ITGA1: variants seen among roughly 807,000 people sequenced by gnomAD.
ITGA1 encodes the protein integrin subunit alpha 1.
Under a neutral mutation model 145.9 loss-of-function variants are expected in ITGA1, and 85 were observed. The ratio of observed to expected loss-of-function variants is 0.58; its 90% CI spans 0.49 to 0.70. ITGA1 has a LOEUF of 0.70. Among genes scored for constraint, ITGA1 ranks in the 30% least tolerant of loss-of-function variants. The pLI is 0.00. For missense variants in ITGA1, 1,351 were observed against 1,418.7 expected (o/e 0.95, Z 0.77); for synonymous variants, 520 against 495.3 (o/e 1.05, Z -0.66).
At chr5:52,935,008 C>G (rs1427789030) in intron 23 of ITGA1, among the ~76,000 whole-genome samples, 1 of 151,782 alleles carries the variant, frequency 6.6e-6, no homozygotes, top group Non-Finnish European at 1.5e-5. Context: ...TTCACTTTCC[C>G]TGAACTAGAA....
At chr5:52,933,861 A>G (rs367941783) in intron 22 of ITGA1, 33 bp from the exon 23 acceptor site, 456 of 1,075,170 alleles carry the variant, frequency 4.2e-4, no homozygotes, top group Non-Finnish European at 5.7e-4. Flanking sequence ...AAACTTTGTT[A>G]TGTTTTATTT....
At chr5:52,833,898 A>T (rs565247966) in intron 1 of ITGA1, among the ~76,000 whole-genome samples, 26 of 152,340 alleles carry the variant, frequency 1.7e-4, no homozygotes, top group African/African-American at 6.0e-4. Flanking sequence ...GTAGTATAGA[A>T]TTGCAAACTT....
intron 1 of ITGA1, among the ~76,000 whole-genome samples, chr5:52,817,604 G>C (rs1748797405): frequency 6.6e-6 from 1 of 152,118 alleles, no homozygotes; most frequent in Non-Finnish European, 1.5e-5. Context: ...GGAAAGGCTA[G>C]AAGTCTGCAA....
chr5:52,901,042 A>G (rs1750306378), intron 11 of ITGA1, among the ~76,000 whole-genome samples: 1 of 152,292 alleles, frequency 6.6e-6, no homozygotes, highest in South Asian at 2.1e-4. Context: ...GACTTTTCAG[A>G]TATGATGAAA....
chr5:52,837,331 C>T (rs1025419838), intron 1 of ITGA1, among the ~76,000 whole-genome samples: 2 of 152,168 alleles, frequency 1.3e-5, no homozygotes, highest in Admixed American at 1.3e-4. Flanking sequence ...CACACAGTGT[C>T]TCCTTCCAGA....
At chr5:52,887,604 A>G (rs1189437102) in intron 7 of ITGA1, among the ~76,000 whole-genome samples, 1 of 152,208 alleles carries the variant, frequency 6.6e-6, no homozygotes, top group Non-Finnish European at 1.5e-5. Flanking sequence ...GGTGATTAGC[A>G]AAACGGAGAC....
chr5:52,898,200 T>G (rs1457903795), intron 10 of ITGA1, 39 bp from the exon 11 acceptor site: 1 of 1,329,986 alleles, frequency 7.5e-7, no homozygotes, highest in Non-Finnish European at 1.0e-6. Flanking sequence ...CCCTTATTAT[T>G]TTTATTAAAT....
At chr5:52,865,260 T>C (rs1749669169) in intron 5 of ITGA1, among the ~76,000 whole-genome samples, 178 bp downstream of exon 5, 2 of 152,248 alleles carry the variant, frequency 1.3e-5, no homozygotes. Context: ...ATTTTTGGAA[T>C]TGATATTAGT....
Position 52,910,428 on chromosome 5 carries a change from T to G in ITGA1, c.1857+9T>G. 1 of 1,607,254 alleles carries G rather than the reference T, an allele frequency of 6.2e-7. No homozygotes were observed. The highest frequency in any genetic ancestry group is 8.5e-7 in the Non-Finnish European group (1 of 1,174,424). On this transcript the variant is annotated intron_variant, in intron 14 of 28. Transcript: ENST00000282588. ...GGAAAGAGTATGCACAAGTAAGAATTGAAACCTACAGATTCCCACCCTTCA... is the reference window on the plus strand; with the variant it reads ...GGAAAGAGTATGCACAAGTAAGAATGGAAACCTACAGATTCCCACCCTTCA...
intron 1 of ITGA1, chr5:52,800,921 C>G (rs1748465032): frequency 1.2e-6 from 2 of 1,613,968 alleles, no homozygotes; most frequent in African/African-American, 1.3e-5. Flanking sequence ...GGCAATTGCT[C>G]TCAGCATGAC....
chr5:52,905,703 A>C, intron 11 of ITGA1, 60 bp from the exon 12 acceptor site: 2 of 1,407,630 alleles, frequency 1.4e-6, no homozygotes, highest in South Asian at 2.8e-5. Flanking sequence ...AAGAGTCTTA[A>C]TTTATTACAT....
intron 1 of ITGA1, 146 bp downstream of exon 1, chr5:52,788,560 G>T: frequency 1.7e-6 from 1 of 598,638 alleles, no homozygotes; most frequent in Admixed American, 4.2e-5. Flanking sequence ...GCCAGGCTAC[G>T]GGGCAGGCAG....
chr5:52,883,933 T>C (rs1750005308), intron 7 of ITGA1, among the ~76,000 whole-genome samples: 1 of 152,120 alleles, frequency 6.6e-6, no homozygotes, highest in Non-Finnish European at 1.5e-5. Flanking sequence ...TTTAGAACAG[T>C]CACATTTTAT....
chr5:52,817,672 A>C (rs552079744), intron 1 of ITGA1, among the ~76,000 whole-genome samples: 3 of 152,332 alleles, frequency 2.0e-5, no homozygotes, highest in African/African-American at 7.2e-5. Context: ...TCAGAATAAC[A>C]TTTATTTCAT....
chr5:52,867,860 T>C (rs966789301), intron 6 of ITGA1, among the ~76,000 whole-genome samples: 1 of 151,990 alleles, frequency 6.6e-6, no homozygotes, highest in Non-Finnish European at 1.5e-5. Context: ...TTTTTTTCTT[T>C]CTGAGGGCTC....
intron 1 of ITGA1, chr5:52,801,738 TG>T: frequency 3.7e-6 from 6 of 1,614,148 alleles, no homozygotes; most frequent in Non-Finnish European, 5.1e-6. Context: ...TTCACGTTTC[TG>T]GGGAACAGCT....
At chr5:52,815,929 A>T (rs2111694219) in intron 1 of ITGA1, among the ~76,000 whole-genome samples, 1 of 152,328 alleles carries the variant, frequency 6.6e-6, no homozygotes, top group South Asian at 2.1e-4. Context: ...GTATAACTAA[A>T]CAAAAACTAA....
chr5:52,809,918 G>T (rs1748659017), intron 1 of ITGA1, among the ~76,000 whole-genome samples: 1 of 152,116 alleles, frequency 6.6e-6, no homozygotes, highest in African/African-American at 2.4e-5. Flanking sequence ...ACATCATGGA[G>T]AAGGAGATTC....
chr5:52,893,952 T>C (rs1750188799), intron 9 of ITGA1, 112 bp downstream of exon 9: 3 of 720,464 alleles, frequency 4.2e-6, no homozygotes, highest in Non-Finnish European at 6.9e-6. Flanking sequence ...TTTTTTTTAC[T>C]GTGTACAATA....
Sources: allele counts gnomAD v4.1 joint callset (sites outside exome capture counted in the v4.1 genomes callset), GRCh38; gene constraint gnomAD v4.1.1; transcripts MANE v1.5; gene names NCBI Gene and HGNC (gene_info 2026-07-23, HGNC 2026-07-21).